Variants in HELLS observed in about 807,000 individuals in gnomAD.
The protein encoded by HELLS is helicase, lymphoid specific, also known as lymphoid-specific helicase.
In HELLS, 32 loss-of-function variants were observed where a neutral mutation model predicts 120.0. That is an observed-to-expected ratio of 0.27 (90% CI 0.20 to 0.36). HELLS has a LOEUF of 0.36. Ranked by LOEUF, HELLS falls within the 10% of genes least tolerant of loss-of-function variation. The pLI is 1.00. For synonymous variants in HELLS, 341 were observed against 323.4 expected, an observed-to-expected ratio of 1.05 and a Z score of -0.58; for missense variants, 650 against 993.4, an observed-to-expected ratio of 0.65 and a Z score of 4.65.
chr10:94,602,969 C>T (rs189377969), downstream of HELLS, among the ~76,000 whole-genome samples: 7 of 152,224 alleles, frequency 4.6e-5, no homozygotes, highest in African/African-American at 1.4e-4. Flanking sequence ...TGTCATTGCA[C>T]GTCTCATATC....
intron 2 of HELLS, among the ~76,000 whole-genome samples, chr10:94,547,196 G>A (rs1034808799): frequency 3.3e-5 from 5 of 152,148 alleles, no homozygotes; most frequent in Non-Finnish European, 7.4e-5. Flanking sequence ...TCATATGCAA[G>A]AAAAAGAATG....
At chr10:94,567,634 G>A (rs1843888005) in intron 6 of HELLS, among the ~76,000 whole-genome samples, 4 of 152,258 alleles carry the variant, frequency 2.6e-5, no homozygotes, top group Admixed American at 2.6e-4. Context: ...GACTGGACAT[G>A]ATGCCTGACA....
chr10:94,578,080 A>G lies in HELLS; in HGVS notation c.1032+1275A>G, dbSNP rs865906434. On this transcript the variant is annotated intron_variant, in intron 10 of 21. Coordinates refer to ENST00000348459, the MANE Select transcript of HELLS (RefSeq NM_018063.5). ...AGCGAGACTCCGTCTCAAAAAAAAAAAAAAAAAAAAAAAAAAATACAAAAA... is the reference window on the plus strand; with the variant it reads ...AGCGAGACTCCGTCTCAAAAAAAAAGAAAAAAAAAAAAAAAAATACAAAAA... Among the ~76,000 whole-genome samples the G allele has an allele frequency of 1.9e-3, 262 of 140,606 alleles. 1 individual carries two copies. Among genetic ancestry groups the G allele is most frequent in the Non-Finnish European group, 2.7e-3 (179 of 66,750 alleles). 92.2% of individuals were successfully genotyped at this position (140,606 alleles called of 152,430 possible). A position where few individuals can be genotyped will look rare whatever the true frequency, so the allele number is the denominator to read the frequency against.
At chr10:94,559,690 C>A (rs1005001421) in intron 4 of HELLS, among the ~76,000 whole-genome samples, 1 of 151,716 alleles carries the variant, frequency 6.6e-6, no homozygotes, top group Non-Finnish European at 1.5e-5. Context: ...ATGATCCACC[C>A]GCCTCAGCCT....
At chr10:94,590,108 T>A (rs949992354) in intron 13 of HELLS, among the ~76,000 whole-genome samples, 1 of 152,208 alleles carries the variant, frequency 6.6e-6, no homozygotes, top group African/African-American at 2.4e-5. Flanking sequence ...GTTACACCAG[T>A]CTGAAGAAAT....
At chr10:94,545,989 C>T (rs773715073) in intron 1 of HELLS, 37 bp downstream of exon 1, 54 of 1,552,312 alleles carry the variant, frequency 3.5e-5, no homozygotes, top group Non-Finnish European at 4.5e-5. Context: ...GGGTGGCAGC[C>T]TGCGGGGCTG....
At chr10:94,556,991 C>G (rs1045868179) in intron 3 of HELLS, among the ~76,000 whole-genome samples, 2 of 152,206 alleles carry the variant, frequency 1.3e-5, no homozygotes, top group African/African-American at 2.4e-5. Flanking sequence ...CCTTCTTCCT[C>G]TAAATAACTG....
chr10:94,590,872 A>C (rs544462091), intron 15 of HELLS, 96 bp downstream of exon 15: 1 of 657,398 alleles, frequency 1.5e-6, no homozygotes, highest in South Asian at 3.0e-5. Context: ...ATTAAAAATA[A>C]GTATGGTGCT....
At chr10:94,561,847 T>C (rs1483878884) in intron 4 of HELLS, among the ~76,000 whole-genome samples, 1 of 151,974 alleles carries the variant, frequency 6.6e-6, no homozygotes, top group Non-Finnish European at 1.5e-5. Context: ...ATTTCTGCTT[T>C]GGGTTATATT....
intron 13 of HELLS, among the ~76,000 whole-genome samples, chr10:94,589,933 C>T (rs1854034): frequency 0.37 from 55,851 of 151,726 alleles, 10,824 homozygotes; most frequent in East Asian, 0.68. Flanking sequence ...GTGATCTGCC[C>T]GCCTCGGCCT....
chr10:94,571,459 T>C, intron 7 of HELLS, 30 bp downstream of exon 7: 1 of 1,459,772 alleles, frequency 6.9e-7, no homozygotes, highest in Non-Finnish European at 9.5e-7. Flanking sequence ...AGATTAAGTT[T>C]AGAAGTCATA....
intron 4 of HELLS, among the ~76,000 whole-genome samples, chr10:94,560,088 A>G (rs1338975440): frequency 6.6e-6 from 1 of 151,980 alleles, no homozygotes; most frequent in Non-Finnish European, 1.5e-5. Context: ...GCTGGGATGC[A>G]GTGGCGTGAT....
chr10:94,590,293 A>G, intron 13 of HELLS, 120 bp from the exon 14 acceptor site: 1 of 844,770 alleles, frequency 1.2e-6, no homozygotes, highest in Non-Finnish European at 1.8e-6. Flanking sequence ...ATTTCCCACA[A>G]CATTTGTATT....
At chr10:94,558,902 G>C (rs948832659) in intron 4 of HELLS, among the ~76,000 whole-genome samples, 7 of 152,030 alleles carry the variant, frequency 4.6e-5, no homozygotes, top group African/African-American at 1.7e-4. Flanking sequence ...CGCCCAGCCT[G>C]TTTTCCCTTA....
At chr10:94,599,069 G>C (rs913011001) in intron 21 of HELLS, among the ~76,000 whole-genome samples, 2 of 151,860 alleles carry the variant, frequency 1.3e-5, no homozygotes, top group Non-Finnish European at 1.5e-5. Flanking sequence ...GTAGCTTTAT[G>C]GGAAGTGTAC....
Position 94,545,840 on chromosome 10 carries a change from C to T in HELLS, c.-82C>T, listed in dbSNP as rs942236515. 3.2e-5 allele frequency: 47 copies of T among 1,457,630 alleles called. No homozygotes were observed. The highest frequency in any genetic ancestry group is 3.0e-4 in the South Asian group (25 of 82,126). The allele number at this position is 1,457,630 out of a possible 1,614,324, so 90.3% of individuals were successfully genotyped here. A position where few individuals can be genotyped will look rare whatever the true frequency, so the allele number is the denominator to read the frequency against. ...CGGGGGATTTGGCTAGAAGGCTGGGCCGGCAGCGGTTGTGAGGAGTTAGCT... is the reference window on the plus strand; with the variant it reads ...CGGGGGATTTGGCTAGAAGGCTGGGTCGGCAGCGGTTGTGAGGAGTTAGCT... On this transcript the variant is annotated 5_prime_UTR_variant, in exon 1 of 22. Coordinates refer to ENST00000348459, the MANE Select transcript of HELLS (RefSeq NM_018063.5).
At chr10:94,567,995 C>T (rs1291904867) in intron 6 of HELLS, among the ~76,000 whole-genome samples, 4 of 150,958 alleles carry the variant, frequency 2.6e-5, no homozygotes, top group African/African-American at 9.8e-5. Flanking sequence ...CTGCAACCTC[C>T]GCCTCCCGGG....
intron 15 of HELLS, 109 bp downstream of exon 15, chr10:94,590,885 T>A (rs1845453668): frequency 1.7e-6 from 1 of 605,836 alleles, no homozygotes; most frequent in Non-Finnish European, 2.6e-6. Context: ...ATGGTGCTAT[T>A]TGTCATGAAG....
chr10:94,546,087 C>A (rs1188116120), intron 1 of HELLS, 135 bp downstream of exon 1: 6 of 1,067,070 alleles, frequency 5.6e-6, no homozygotes, highest in African/African-American at 4.7e-5. Flanking sequence ...GGTTGGGAAA[C>A]TGCAACGGTG....
Sources: allele counts gnomAD v4.1 joint callset (sites outside exome capture counted in the v4.1 genomes callset), GRCh38; gene constraint gnomAD v4.1.1; transcripts MANE v1.5; gene names NCBI Gene and HGNC (gene_info 2026-07-23, HGNC 2026-07-21).